The following PCNX2 variants were observed in gnomAD, a reference collection of about 807,000 sequenced individuals.
PCNX2 encodes pecanex 2.
In PCNX2, 168 loss-of-function variants were observed where a neutral mutation model predicts 223.8. The observed-to-expected ratio is 0.75, with a 90% CI of 0.66 to 0.85. The LOEUF (loss-of-function observed/expected upper bound fraction) is 0.85, where lower values mean the gene tolerates loss of function less well. PCNX2 is among the 40% of genes least tolerant of loss of function. The probability of loss-of-function intolerance (pLI) is 0.00; values close to 1 mark genes in which losing one functional copy is unlikely to be tolerated. For missense variants in PCNX2, 2,507 were observed against 2,675.5 expected, an observed-to-expected ratio of 0.94 and a Z score of 1.39; for synonymous variants, 1,006 against 1,052.6, an observed-to-expected ratio of 0.96 and a Z score of 0.86.
intron 21 of PCNX2, among the ~76,000 whole-genome samples, chr1:233,115,326 T>C (rs1675347150): frequency 6.6e-6 from 1 of 151,936 alleles, no homozygotes; most frequent in Non-Finnish European, 1.5e-5. Flanking sequence ...AGGAACTCAA[T>C]ATAATAACAC....
At chr1:233,261,159 T>C (rs1660019725) in intron 4 of PCNX2, 126 bp downstream of exon 4, 1 of 831,632 alleles carries the variant, frequency 1.2e-6, no homozygotes, top group African/African-American at 1.8e-5. Flanking sequence ...AAAGTCAAAA[T>C]ATAACTATGC....
chr1:233,108,623 G>A (rs1306661660), intron 21 of PCNX2, among the ~76,000 whole-genome samples: 1 of 152,232 alleles, frequency 6.6e-6, no homozygotes, highest in African/African-American at 2.4e-5. Flanking sequence ...GCTCAGCCGG[G>A]CCCTTCTGCC....
intron 10 of PCNX2, among the ~76,000 whole-genome samples, chr1:233,225,353 G>T (rs1352441650): frequency 6.6e-6 from 1 of 151,962 alleles, no homozygotes; most frequent in Non-Finnish European, 1.5e-5. Flanking sequence ...CCTGTGTATA[G>T]ATTATACCCA....
intron 19 of PCNX2, among the ~76,000 whole-genome samples, chr1:233,141,661 A>T (rs2102780246): frequency 6.6e-6 from 1 of 152,264 alleles, no homozygotes; most frequent in Admixed American, 6.5e-5. Flanking sequence ...TGGCAGAGAG[A>T]GACTCCATCT....
At chr1:233,263,575 C>A (rs1660174574) in intron 1 of PCNX2, among the ~76,000 whole-genome samples, 1 of 151,866 alleles carries the variant, frequency 6.6e-6, no homozygotes, top group Non-Finnish European at 1.5e-5. Context: ...CCTGCCTCAG[C>A]CTCCCGAGGA....
intron 13 of PCNX2, among the ~76,000 whole-genome samples, chr1:233,201,053 G>A (rs901520891): frequency 5.6e-5 from 8 of 142,600 alleles, no homozygotes; most frequent in African/African-American, 2.1e-4. Context: ...AAAAAAGTTG[G>A]TATACCTATG....
chr1:233,272,457 C>T (rs960748266), intron 1 of PCNX2, among the ~76,000 whole-genome samples: 1 of 152,176 alleles, frequency 6.6e-6, no homozygotes, highest in African/African-American at 2.4e-5. Context: ...CACCTTACTC[C>T]TGCAAGAATG....
rs1670201605 is a variant in PCNX2, at chr1:233,004,327, A to G, written c.4953-2646T>C. Among the ~76,000 whole-genome samples the G allele has an allele frequency of 2.0e-5, 3 of 152,240 alleles. No homozygotes were observed. The South Asian group carries it at 6.2e-4, about 32-fold the overall frequency. Reference sequence around the variant, plus strand: ...TTCCCACACATCACTGAGTGTTGCCAGGATGGAGAACAGGGGTATCACCCA... The same window carrying G: ...TTCCCACACATCACTGAGTGTTGCCGGGATGGAGAACAGGGGTATCACCCA... On this transcript the variant is annotated intron_variant, in intron 28 of 33. Transcript: ENST00000258229.
At chr1:233,270,059 C>A (rs940208671) in intron 1 of PCNX2, among the ~76,000 whole-genome samples, 3 of 149,574 alleles carry the variant, frequency 2.0e-5, no homozygotes, top group Admixed American at 1.3e-4. Flanking sequence ...GGTCATCCAT[C>A]CCCATTCATT....
chr1:233,063,275 T>C (rs1162530359), intron 23 of PCNX2, among the ~76,000 whole-genome samples: 3 of 151,938 alleles, frequency 2.0e-5, no homozygotes, highest in Non-Finnish European at 2.9e-5. Context: ...CCTGTAATTA[T>C]TGAACAAATA....
chr1:233,164,058 T>C (rs1678653646), intron 17 of PCNX2, among the ~76,000 whole-genome samples: 1 of 152,234 alleles, frequency 6.6e-6, no homozygotes, highest in African/African-American at 2.4e-5. Context: ...TGTAAATACC[T>C]AGAAGAATGG....
intron 28 of PCNX2, among the ~76,000 whole-genome samples, chr1:233,012,890 CA>C (rs1447156914): frequency 2.0e-5 from 3 of 152,166 alleles, no homozygotes; most frequent in African/African-American, 7.2e-5. Context: ...ACGAATATCT[CA>C]AGAGTCATTT....
chr1:233,250,478 T>C (rs1659389318), intron 8 of PCNX2: 11 of 828,270 alleles, frequency 1.3e-5, no homozygotes, highest in African/African-American at 5.5e-5. Context: ...AACATTATTA[T>C]GTTTATACAG....
At chr1:233,087,154 T>C in intron 23 of PCNX2, 1 of 985,398 alleles carries the variant, frequency 1.0e-6, no homozygotes, top group Non-Finnish European at 1.2e-6. Context: ...CTTGAAGTAT[T>C]AAAATGGTTT....
chr1:233,044,673 C>CA (rs1459543485), intron 25 of PCNX2, among the ~76,000 whole-genome samples: 1 of 144,984 alleles, frequency 6.9e-6, no homozygotes, highest in Non-Finnish European at 1.5e-5. Flanking sequence ...TGTATTCTTT[C>CA]TTTTTTTTTT....
chr1:233,129,988 A>AT (rs1676370124), intron 21 of PCNX2, among the ~76,000 whole-genome samples: 1 of 152,182 alleles, frequency 6.6e-6, no homozygotes, highest in Non-Finnish European at 1.5e-5. Context: ...TTTATGAGCT[A>AT]TAAGACTCAC....
At chr1:233,321,324 G>A in the PCNX2 span, among the ~76,000 whole-genome samples, 443 of 152,056 alleles carry the variant, frequency 2.9e-3, 3 homozygotes, top group African/African-American at 8.9e-3. Flanking sequence ...TTGAGACAGC[G>A]TCTTGCTCTG....
intron 19 of PCNX2, among the ~76,000 whole-genome samples, chr1:233,147,611 C>G (rs770951452): frequency 2.1e-4 from 32 of 152,136 alleles, no homozygotes; most frequent in Non-Finnish European, 3.8e-4. Flanking sequence ...TGTAAGTGGA[C>G]CACACAGTTC....
intron 28 of PCNX2, among the ~76,000 whole-genome samples, chr1:233,013,515 A>G (rs1400731254): frequency 1.3e-5 from 2 of 152,212 alleles, no homozygotes; most frequent in African/African-American, 2.4e-5. Context: ...ACAGCCCAGA[A>G]CTGTGACAGT....
Sources: gnomAD v4.1 joint callset for allele counts (sites outside exome capture counted in the v4.1 genomes callset) on GRCh38, gnomAD v4.1.1 for gene constraint, MANE v1.5 for transcripts, NCBI Gene and HGNC (gene_info 2026-07-23, HGNC 2026-07-21) for gene names.